The following TENM4 variants were observed in gnomAD, a reference collection of about 807,000 sequenced individuals.
TENM4 encodes the protein teneurin-4.
A neutral mutation model predicts 243.3 loss-of-function variants in TENM4; 82 were observed. That is an observed-to-expected ratio of 0.34 (90% CI 0.28 to 0.40). The LOEUF (loss-of-function observed/expected upper bound fraction) is 0.40, where lower values mean the gene tolerates loss of function less well. Ranked by LOEUF, TENM4 falls within the 10% of genes least tolerant of loss-of-function variation. TENM4 has a pLI of 1.00. For synonymous variants in TENM4, 1,412 were observed against 1,456.3 expected (o/e 0.97, Z 0.69); for missense variants, 3,138 against 3,673.3 (o/e 0.85, Z 3.77).
intron 1 of TENM4, among the ~76,000 whole-genome samples, chr11:79,298,019 G>A (rs994308367): frequency 1.2e-4 from 18 of 151,720 alleles, no homozygotes; most frequent in African/African-American, 4.1e-4. Context: ...CACCACGCCA[G>A]TCATGATTTT....
chr11:79,343,055 A>C (rs561335548), intron 1 of TENM4, among the ~76,000 whole-genome samples: 7 of 152,214 alleles, frequency 4.6e-5, no homozygotes, highest in Non-Finnish European at 1.0e-4. Context: ...CTTCCGAGGC[A>C]CTGGCACACG....
chr11:78,937,599 T>C (rs975182172), intron 6 of TENM4, among the ~76,000 whole-genome samples: 7 of 152,200 alleles, frequency 4.6e-5, no homozygotes, highest in African/African-American at 1.4e-4. Flanking sequence ...ATAAAATTTA[T>C]AGGAGGCCAT....
chr11:79,311,471 G>A lies in TENM4; in HGVS notation c.-320-13928C>T, dbSNP rs566295786. On this transcript the variant is annotated intron_variant, in intron 1 of 33. Coordinates refer to ENST00000278550, the MANE Select transcript of TENM4 (RefSeq NM_001098816.3). ...GGGCATTGAGGGGAACAGACACAGCGGATGTGCTACTTGTTTCCTCAGGCT... is the reference window on the plus strand; with the variant it reads ...GGGCATTGAGGGGAACAGACACAGCAGATGTGCTACTTGTTTCCTCAGGCT... 5.9e-5 allele frequency among the ~76,000 whole-genome samples: 9 copies of A among 152,332 alleles called. No homozygotes were observed. The South Asian group carries it at 1.5e-3, about 25-fold the overall frequency.
intron 6 of TENM4, among the ~76,000 whole-genome samples, chr11:78,925,704 G>T (rs1227305049): frequency 1.3e-5 from 2 of 152,064 alleles, no homozygotes; most frequent in Non-Finnish European, 2.9e-5. Context: ...CCATGGCTCC[G>T]TGCTACCCTC....
chr11:79,327,252 T>G (rs1011745902), intron 1 of TENM4, among the ~76,000 whole-genome samples: 3 of 152,228 alleles, frequency 2.0e-5, no homozygotes, highest in Admixed American at 6.5e-5. Context: ...AATAAAACAC[T>G]ATAATTGAGA....
chr11:78,824,073 T>C (rs1158885070), intron 12 of TENM4, among the ~76,000 whole-genome samples: 2 of 152,174 alleles, frequency 1.3e-5, no homozygotes, highest in Admixed American at 6.5e-5. Context: ...TTTCTACTCC[T>C]ACCTAACCTA....
chr11:79,035,476 G>C (rs186645786), intron 6 of TENM4, among the ~76,000 whole-genome samples: 84 of 150,816 alleles, frequency 5.6e-4, no homozygotes, highest in African/African-American at 1.9e-3. Context: ...AACAGTTTTG[G>C]TCTATTTTTC....
At chr11:79,229,779 A>G (rs1051431821) in intron 2 of TENM4, among the ~76,000 whole-genome samples, 2 of 152,174 alleles carry the variant, frequency 1.3e-5, no homozygotes, top group Non-Finnish European at 2.9e-5. Context: ...CAGGCACTCA[A>G]TTATTAATAT....
chr11:78,909,965 C>T (rs58915143), intron 6 of TENM4, among the ~76,000 whole-genome samples: 2,213 of 152,218 alleles, frequency 0.015, 73 homozygotes, highest in African/African-American at 0.05. Context: ...TGAACCAGGC[C>T]GGGACAGGCT....
In TENM4 at chr11:79,345,708, C is replaced by A. The variant is rs969097568; in HGVS notation, c.-320-48165G>T. On this transcript the variant is annotated intron_variant, in intron 1 of 33. Transcript: ENST00000278550. The stretch of plus-strand genomic sequence containing the variant: ...ATCTGTAAACAGACAAAACTATAAC[C>A]TACTTCATACATTATTGAGAAGTTC... Among the ~76,000 whole-genome samples, 3 of 152,184 alleles carry A rather than the reference C, an allele frequency of 2.0e-5. No homozygotes were observed. The East Asian group carries it at 5.8e-4, about 29-fold the overall frequency.
chr11:79,382,775 T>G (rs1858031120), intron 1 of TENM4, among the ~76,000 whole-genome samples: 1 of 152,066 alleles, frequency 6.6e-6, no homozygotes, highest in African/African-American at 2.4e-5. Context: ...GCTTCAAGCC[T>G]GAGAAATGAA....
chr11:79,186,000 C>A (rs1863373958), intron 3 of TENM4, among the ~76,000 whole-genome samples: 1 of 152,098 alleles, frequency 6.6e-6, no homozygotes, highest in South Asian at 2.1e-4. Flanking sequence ...AATAACCTTT[C>A]CAAGCAAATA....
chr11:78,993,661 A>G (rs958765000), intron 6 of TENM4, among the ~76,000 whole-genome samples: 1 of 151,898 alleles, frequency 6.6e-6, no homozygotes, highest in African/African-American at 2.4e-5. Flanking sequence ...TAAACCCAAC[A>G]GTGAACTTTT....
intron 21 of TENM4, among the ~76,000 whole-genome samples, chr11:78,731,186 G>C (rs1185408481): frequency 2.0e-5 from 3 of 152,132 alleles, no homozygotes; most frequent in Non-Finnish European, 4.4e-5. Flanking sequence ...CTGCTCCTGG[G>C]AAAAATGTCT....
chr11:79,229,445 G>C (rs985327466), intron 2 of TENM4, among the ~76,000 whole-genome samples: 1 of 152,090 alleles, frequency 6.6e-6, no homozygotes, highest in African/African-American at 2.4e-5. Context: ...TACTTTTGCT[G>C]TTTCTTCTGC....
intron 19 of TENM4, among the ~76,000 whole-genome samples, chr11:78,740,750 G>C (rs1400657236): frequency 2.0e-5 from 3 of 152,196 alleles, no homozygotes; most frequent in South Asian, 2.1e-4. Flanking sequence ...AACCAGTCCT[G>C]GGGGGATGGC....
chr11:78,935,785 G>A (rs1856770423), intron 6 of TENM4, among the ~76,000 whole-genome samples: 1 of 152,222 alleles, frequency 6.6e-6, no homozygotes, highest in Admixed American at 6.5e-5. Context: ...AAAGAAATAT[G>A]TACTCTATTG....
intron 15 of TENM4, among the ~76,000 whole-genome samples, chr11:78,796,014 C>T (rs945872641): frequency 6.6e-6 from 1 of 152,096 alleles, no homozygotes; most frequent in Non-Finnish European, 1.5e-5. Flanking sequence ...TTCCACGGAT[C>T]GAGATGGCGG....
chr11:78,963,176 C>T (rs1448990122), intron 6 of TENM4, among the ~76,000 whole-genome samples: 1 of 152,242 alleles, frequency 6.6e-6, no homozygotes, highest in Non-Finnish European at 1.5e-5. Flanking sequence ...TTTTAGGACA[C>T]TCACATTCTG....
Sources: allele counts gnomAD v4.1 joint callset (sites outside exome capture counted in the v4.1 genomes callset), GRCh38; gene constraint gnomAD v4.1.1; transcripts MANE v1.5; gene names NCBI Gene and HGNC (gene_info 2026-07-23, HGNC 2026-07-21).